Variants in BANF2 observed in about 807,000 individuals in gnomAD.
The protein encoded by BANF2 is BANF family member 2.
BANF2 carries 4 observed loss-of-function variants against 8.0 expected under a neutral mutation model. That is an observed-to-expected ratio of 0.50 (90% CI 0.25 to 1.14). The LOEUF is 1.14. BANF2 is among the 50% of genes most tolerant of loss of function. The pLI is 0.16. For synonymous variants in BANF2, 50 were observed against 40.6 expected, an observed-to-expected ratio of 1.23 and a Z score of -0.88; for missense variants, 96 against 107.5, an observed-to-expected ratio of 0.89 and a Z score of 0.47.
intron 3 of BANF2, among the ~76,000 whole-genome samples, chr20:17,730,343 C>T (rs1715393252): frequency 6.6e-6 from 1 of 152,180 alleles, no homozygotes. Context: ...GGTCTGGACA[C>T]CAAGTCATTG....
intron 1 of BANF2, among the ~76,000 whole-genome samples, chr20:17,722,283 T>A (rs186964320): frequency 2.8e-4 from 43 of 152,404 alleles, no homozygotes; most frequent in Non-Finnish European, 5.4e-4. Flanking sequence ...CCGTCTTTGA[T>A]GCTGCTGATG....
At chr20:17,697,895 G>A (rs938444334), upstream of BANF2, among the ~76,000 whole-genome samples, 2 of 152,132 alleles carry the variant, frequency 1.3e-5, no homozygotes, top group Admixed American at 6.5e-5. Flanking sequence ...TCTTGTGAGA[G>A]CTGGCTGTTT....
intron 1 of BANF2, among the ~76,000 whole-genome samples, chr20:17,708,360 G>A (rs991661415): frequency 1.2e-4 from 18 of 152,202 alleles, no homozygotes; most frequent in African/African-American, 7.2e-5. Context: ...GAGACAAACC[G>A]TGGCATGGCT....
chr20:17,735,490 T>TC (rs2037964013), intron 3 of BANF2, among the ~76,000 whole-genome samples, 175 bp from the exon 4 acceptor site: 2 of 152,198 alleles, frequency 1.3e-5, no homozygotes, highest in African/African-American at 4.8e-5. Context: ...GCCTTAGCTC[T>TC]CACCAGGGCT....
chr20:17,727,768 A>G (rs1449259031), intron 3 of BANF2, among the ~76,000 whole-genome samples: 2 of 152,174 alleles, frequency 1.3e-5, no homozygotes, highest in East Asian at 1.9e-4. Context: ...TTGTTTTGAG[A>G]CAGTCTCATT....
At chr20:17,704,999 C>T (rs895479180) in intron 1 of BANF2, among the ~76,000 whole-genome samples, 6 of 152,192 alleles carry the variant, frequency 3.9e-5, no homozygotes, top group South Asian at 2.1e-4. Flanking sequence ...GCTGAGGTCG[C>T]GTGTCCACAA....
intron 1 of BANF2, 31 bp from the exon 2 acceptor site, chr20:17,722,685 A>C (rs961137214): frequency 8.2e-6 from 8 of 972,016 alleles, no homozygotes; most frequent in Non-Finnish European, 9.8e-6. Flanking sequence ...GACCCTGAAC[A>C]ACCTCTCATG....
At chr20:17,727,663 G>A (rs2037828239) in intron 3 of BANF2, among the ~76,000 whole-genome samples, 3 of 152,056 alleles carry the variant, frequency 2.0e-5, no homozygotes, top group Admixed American at 2.0e-4. Context: ...AGCATCCTGG[G>A]CGGGCAGATC....
chr20:17,697,593 T>A (rs1423990616), upstream of BANF2, among the ~76,000 whole-genome samples: 1 of 152,212 alleles, frequency 6.6e-6, no homozygotes, highest in African/African-American at 2.4e-5. Flanking sequence ...GGGTTCCCCC[T>A]GAAGCAGACC....
At chr20:17,732,857 A>T (rs2037919609) in intron 3 of BANF2, among the ~76,000 whole-genome samples, 1 of 152,068 alleles carries the variant, frequency 6.6e-6, no homozygotes, top group African/African-American at 2.4e-5. Context: ...CTCCTTGATT[A>T]GGGGGCTTTC....
At chr20:17,695,934 T>C (rs1475753711), upstream of BANF2, among the ~76,000 whole-genome samples, 2 of 152,254 alleles carry the variant, frequency 1.3e-5, no homozygotes, top group Admixed American at 1.3e-4. Context: ...GTGTGTACTC[T>C]TCTATGTCTG....
At chr20:17,718,608 T>C (rs1326897401) in intron 1 of BANF2, among the ~76,000 whole-genome samples, 1 of 152,216 alleles carries the variant, frequency 6.6e-6, no homozygotes, top group African/African-American at 2.4e-5. Context: ...TTGTATGGCA[T>C]TGGAGCAGTT....
intron 3 of BANF2, among the ~76,000 whole-genome samples, chr20:17,728,167 C>A (rs909748690): frequency 6.6e-6 from 1 of 152,174 alleles, no homozygotes; most frequent in African/African-American, 2.4e-5. Context: ...CCGTCCCACC[C>A]CAGGCTGGGG....
At chr20:17,695,686 T>G (rs2037341477), upstream of BANF2, among the ~76,000 whole-genome samples, 1 of 152,076 alleles carries the variant, frequency 6.6e-6, no homozygotes, top group Admixed American at 6.5e-5. Context: ...TTTATTGAGG[T>G]GTAATTTACA....
At chr20:17,709,425 T>C (rs563542660) in intron 1 of BANF2, among the ~76,000 whole-genome samples, 14 of 152,328 alleles carry the variant, frequency 9.2e-5, no homozygotes, top group Admixed American at 8.5e-4. Context: ...CGAGGCATTC[T>C]GTCCAGCAAA....
intron 1 of BANF2, among the ~76,000 whole-genome samples, chr20:17,713,088 GA>G (rs1568811442): frequency 6.6e-6 from 1 of 151,496 alleles, no homozygotes; most frequent in East Asian, 1.9e-4. Flanking sequence ...CGATCTCTAC[GA>G]AAAAATTAAA....
At chr20:17,721,312 G>C (rs1361299740) in intron 1 of BANF2, among the ~76,000 whole-genome samples, 1 of 152,144 alleles carries the variant, frequency 6.6e-6, no homozygotes, top group Non-Finnish European at 1.5e-5. Context: ...GTTTCTGCGG[G>C]AGGTTGCCTC....
rs4813275 is a variant in BANF2, at chr20:17,700,316, C to G, written c.-167+261C>G. Among the ~76,000 whole-genome samples the G allele has an allele frequency of 0.016, 2,472 of 152,102 alleles. 137 individuals are homozygous for G. In the East Asian group the frequency reaches 0.17, roughly 11 times the overall value. ...CCTAAGACTCGGCTTGCCACCTGCA[C>G]CAGCTCCCTGGGCAAAGGTCACCTG... is the stretch of plus-strand genomic sequence containing the variant. On this transcript the variant is annotated intron_variant, in intron 1 of 3. Coordinates refer to ENST00000246090, the MANE Select transcript of BANF2 (RefSeq NM_178477.5).
chr20:17,722,493 T>C (rs1568816277), intron 1 of BANF2, among the ~76,000 whole-genome samples: 1 of 152,224 alleles, frequency 6.6e-6, no homozygotes, highest in Non-Finnish European at 1.5e-5. Flanking sequence ...TCAATCCCAA[T>C]TCATCATCCC....
Sources: gnomAD v4.1 joint callset for allele counts (sites outside exome capture counted in the v4.1 genomes callset) on GRCh38, gnomAD v4.1.1 for gene constraint, MANE v1.5 for transcripts, NCBI Gene and HGNC (gene_info 2026-07-23, HGNC 2026-07-21) for gene names.